The following PDZD9 variants were observed in gnomAD, a reference collection of about 807,000 sequenced individuals.
PDZD9 encodes PDZ domain containing 9.
PDZD9 carries 13 observed loss-of-function variants against 16.3 expected under a neutral mutation model. The ratio of observed to expected loss-of-function variants is 0.80; its 90% CI spans 0.52 to 1.27. The LOEUF (loss-of-function observed/expected upper bound fraction) is 1.27, where lower values mean the gene tolerates loss of function less well. Among genes scored for constraint, PDZD9 ranks in the 50% most tolerant of loss-of-function variants. PDZD9 has a pLI of 0.00. For synonymous variants in PDZD9, 120 were observed against 111.0 expected, an observed-to-expected ratio of 1.08 and a Z score of -0.51; for missense variants, 288 against 310.9, an observed-to-expected ratio of 0.93 and a Z score of 0.55.
At chr16:21,995,196 C>T (rs932566607) in intron 2 of PDZD9, 3 of 456,990 alleles carry the variant, frequency 6.6e-6, no homozygotes, top group Admixed American at 4.7e-5. Flanking sequence ...TAGCACCTCC[C>T]CCTACTCTCT....
intron 2 of PDZD9, chr16:21,995,093 G>A (rs1301869470): frequency 5.1e-6 from 2 of 393,072 alleles, no homozygotes; most frequent in East Asian, 8.0e-5. Flanking sequence ...AGGGGCCTGG[G>A]GGGAGGTGAC....
At chr16:21,973,881 C>G in the PDZD9 span, 1 of 1,610,736 alleles carries the variant, frequency 6.2e-7, no homozygotes, top group Non-Finnish European at 8.5e-7. Flanking sequence ...ACAGTAAAGT[C>G]TCATTATCTT....
chr16:21,980,846 T>C (rs1898707603), downstream of PDZD9: 4 of 884,096 alleles, frequency 4.5e-6, no homozygotes, highest in South Asian at 8.0e-5. Flanking sequence ...GAGGGCTCAT[T>C]CCCATAAGAT....
At chr16:21,984,846 T>C (rs1898836892) in intron 3 of PDZD9, among the ~76,000 whole-genome samples, 186 bp from the exon 4 acceptor site, 1 of 152,234 alleles carries the variant, frequency 6.6e-6, no homozygotes, top group Non-Finnish European at 1.5e-5. Flanking sequence ...CATTTCTAAA[T>C]GGAAATCAAA....
the PDZD9 span, chr16:21,962,680 G>A: frequency 6.2e-7 from 1 of 1,600,506 alleles, no homozygotes. Flanking sequence ...GTTTCACATT[G>A]AGAGCATTAC....
the PDZD9 span, chr16:21,957,665 T>A: frequency 6.8e-7 from 1 of 1,467,336 alleles, no homozygotes; most frequent in Non-Finnish European, 9.1e-7. Context: ...TTTGATTCCT[T>A]GACCTGCCAT....
chr16:21,985,417 A>C (rs542405468), intron 3 of PDZD9, among the ~76,000 whole-genome samples: 195 of 152,294 alleles, frequency 1.3e-3, no homozygotes, highest in African/African-American at 4.5e-3. Context: ...GATTACAGGC[A>C]TGAGCCACTG....
Position 21,988,640 on chromosome 16 carries a change from T to C in PDZD9, c.363A>G (p.Ile121Met), listed in dbSNP as rs1460699053. Residue 121 changes from isoleucine to methionine, a missense_variant, in exon 3 of 4, where the codon ATA becomes ATG. Transcript: ENST00000424898. ...ATTTGGCCTCAGGGATTAAATCATA[T>C]ATTTCTTGCCATTCTTCAGGAATGT... is the stretch of plus-strand genomic sequence containing the variant. ...FINIPEEWQE[I>M]YDLIPEAKFP... 1.9e-5 allele frequency: 31 copies of C among 1,613,070 alleles called. No individual in the cohort carries two copies. Among genetic ancestry groups the C allele is most frequent in the Non-Finnish European group, 2.6e-5 (31 of 1,179,552 alleles).
At chr16:21,959,553 A>C in the PDZD9 span, 1 of 153,948 alleles carries the variant, frequency 6.5e-6, no homozygotes, top group Non-Finnish European at 1.4e-5. Flanking sequence ...GTCATCCATA[A>C]GGGTTGGAAT....
chr16:21,997,551 C>G (rs1899181237), intron 1 of PDZD9, among the ~76,000 whole-genome samples: 1 of 152,132 alleles, frequency 6.6e-6, no homozygotes, highest in Admixed American at 6.5e-5. Flanking sequence ...ATGAAAATGA[C>G]AGGGTCCTGG....
At chr16:21,980,700 T>C (rs767261117), downstream of PDZD9, 1 of 1,610,950 alleles carries the variant, frequency 6.2e-7, no homozygotes, top group African/African-American at 1.3e-5. Context: ...ATATCATAAA[T>C]GTAAGTAAAT....
chr16:21,990,213 A>C (rs141000042), intron 2 of PDZD9, among the ~76,000 whole-genome samples: 220 of 152,316 alleles, frequency 1.4e-3, no homozygotes, highest in African/African-American at 5.1e-3. Context: ...TTTGCTTTTT[A>C]AGGACCAGCT....
At chr16:21,962,884 T>C in the PDZD9 span, 1 of 1,613,818 alleles carries the variant, frequency 6.2e-7, no homozygotes, top group South Asian at 1.1e-5. Context: ...ATCCGCAGAC[T>C]CGTAAGTACA....
the PDZD9 span, chr16:21,971,838 T>C: frequency 1.9e-6 from 3 of 1,578,762 alleles, no homozygotes; most frequent in South Asian, 3.3e-5. Flanking sequence ...CGTGGGTTAA[T>C]ACTGTGTTGT....
chr16:21,973,208 A>G, the PDZD9 span, among the ~76,000 whole-genome samples: 1 of 152,210 alleles, frequency 6.6e-6, no homozygotes, highest in Non-Finnish European at 1.5e-5. Context: ...ATTACCTGGA[A>G]CACTTGTTAA....
the PDZD9 span, chr16:21,962,290 A>G: frequency 1.4e-6 from 1 of 725,336 alleles, no homozygotes; most frequent in East Asian, 2.7e-5. Context: ...CTGGTTTTTA[A>G]AAAAATTTTG....
At chr16:21,965,884 G>C in the PDZD9 span, among the ~76,000 whole-genome samples, 1 of 152,112 alleles carries the variant, frequency 6.6e-6, no homozygotes, top group Non-Finnish European at 1.5e-5. Flanking sequence ...GGGTCTTGCT[G>C]TGTTGCCTAG....
the PDZD9 span, among the ~76,000 whole-genome samples, chr16:21,963,462 T>G: frequency 6.6e-6 from 1 of 151,936 alleles, no homozygotes; most frequent in Non-Finnish European, 1.5e-5. Flanking sequence ...AATGTTTTGT[T>G]TTTGTTTGTT....
intron 2 of PDZD9, chr16:21,995,226 T>C (rs1243603049): frequency 2.2e-6 from 1 of 458,528 alleles, no homozygotes; most frequent in Non-Finnish European, 4.4e-6. Flanking sequence ...GCTCCAACCA[T>C]GTAAGACATA....
Sources: gnomAD v4.1 joint callset for allele counts (sites outside exome capture counted in the v4.1 genomes callset) on GRCh38, gnomAD v4.1.1 for gene constraint, MANE v1.5 for transcripts, NCBI Gene and HGNC (gene_info 2026-07-23, HGNC 2026-07-21) for gene names.